The following DGKB variants were observed in gnomAD, a reference collection of about 807,000 sequenced individuals.
DGKB encodes the protein 90 kDa diacylglycerol kinase.
DGKB carries 67 observed loss-of-function variants against 114.3 expected under a neutral mutation model. The observed-to-expected ratio is 0.59, with a 90% CI of 0.48 to 0.72. The LOEUF (loss-of-function observed/expected upper bound fraction) is 0.72, where lower values mean the gene tolerates loss of function less well. Among genes scored for constraint, DGKB ranks in the 30% least tolerant of loss-of-function variants. The pLI, the probability that DGKB is intolerant of heterozygous loss-of-function variation, is 0.00. For missense variants in DGKB, 907 were observed against 975.2 expected, an observed-to-expected ratio of 0.93 and a Z score of 0.93; for synonymous variants, 398 against 323.1, an observed-to-expected ratio of 1.23 and a Z score of -2.49.
At chr7:14,786,563 T>C (rs1839927770) in intron 2 of DGKB, among the ~76,000 whole-genome samples, 1 of 152,186 alleles carries the variant, frequency 6.6e-6, no homozygotes, top group Non-Finnish European at 1.5e-5. Flanking sequence ...TAAGAGTTGG[T>C]GGGCCAGGAG....
At chr7:14,161,717 A>T (rs566845944) in intron 25 of DGKB, among the ~76,000 whole-genome samples, 1 of 152,230 alleles carries the variant, frequency 6.6e-6, no homozygotes, top group East Asian at 1.9e-4. Context: ...CCTAAGGTAG[A>T]TGACGGGTTG....
At position 14,443,697 on chromosome 7, in the gene DGKB, A is replaced by C. The variant is rs544465612; in HGVS notation, c.1835+34464T>G. ...TCTCTCATTCTCTCTTTTTCTCTCC[A>C]CTTTGTAGCTTTACTAAGACAAATT... On this transcript the variant is annotated intron_variant, in intron 21 of 25. Coordinates refer to ENST00000402815, the MANE Select transcript of DGKB (RefSeq NM_001350709.2). Among the ~76,000 whole-genome samples the C allele has an allele frequency of 3.8e-4, 57 of 151,624 alleles. 1 individual carries two copies. In the South Asian group the frequency reaches 0.011, roughly 30 times the overall value.
At chr7:14,151,264 C>A (rs1425304441) in intron 25 of DGKB, among the ~76,000 whole-genome samples, 1 of 151,836 alleles carries the variant, frequency 6.6e-6, no homozygotes, top group Non-Finnish European at 1.5e-5. Flanking sequence ...GAAATTAGAT[C>A]ATTATTTCCA....
At chr7:14,787,760 A>G (rs1157737441) in intron 2 of DGKB, among the ~76,000 whole-genome samples, 1 of 152,186 alleles carries the variant, frequency 6.6e-6, no homozygotes, top group African/African-American at 2.4e-5. Context: ...ACCCCCAGTG[A>G]TTGGCTTTTG....
chr7:14,358,372 G>T (rs944735018), intron 21 of DGKB, among the ~76,000 whole-genome samples: 1 of 152,000 alleles, frequency 6.6e-6, no homozygotes, highest in Non-Finnish European at 1.5e-5. Context: ...TCTTCCACTT[G>T]ATCGAATCGG....
intron 1 of DGKB, among the ~76,000 whole-genome samples, chr7:14,910,271 AAAGAAAGAAAG>A (rs1783925062): frequency 9.3e-6 from 1 of 107,698 alleles, no homozygotes; most frequent in African/African-American, 3.4e-5. Context: ...AGAAAGAAAG[AAAGAAAGAAAG>A]AAAGAAAGAA....
intron 23 of DGKB, among the ~76,000 whole-genome samples, chr7:14,183,867 G>C (rs1318286412): frequency 1.3e-5 from 2 of 152,188 alleles, no homozygotes; most frequent in African/African-American, 4.8e-5. Flanking sequence ...TAGCTCAATA[G>C]ATTGCAAGAA....
At chr7:14,957,771 T>A (rs527710035) in intron 1 of DGKB, among the ~76,000 whole-genome samples, 1 of 152,184 alleles carries the variant, frequency 6.6e-6, no homozygotes, top group South Asian at 2.1e-4. Context: ...TTTTCTTACT[T>A]GCCCCAAAGT....
chr7:14,753,416 A>C (rs977487498), intron 4 of DGKB, among the ~76,000 whole-genome samples: 1 of 152,158 alleles, frequency 6.6e-6, no homozygotes, highest in African/African-American at 2.4e-5. Flanking sequence ...GAGTGGTTGA[A>C]GCAACAGATT....
At chr7:14,232,208 C>T (rs968424588) in intron 23 of DGKB, among the ~76,000 whole-genome samples, 1 of 151,788 alleles carries the variant, frequency 6.6e-6, no homozygotes, top group African/African-American at 2.4e-5. Context: ...TAGACATTCA[C>T]GCTCCCTAGA....
At chr7:14,318,395 A>C (rs1303255075) in intron 23 of DGKB, among the ~76,000 whole-genome samples, 2 of 152,184 alleles carry the variant, frequency 1.3e-5, no homozygotes, top group African/African-American at 4.8e-5. Flanking sequence ...CATCTGACAA[A>C]GGGCTAATAT....
At chr7:14,275,287 A>C (rs1798837107) in intron 23 of DGKB, among the ~76,000 whole-genome samples, 1 of 152,132 alleles carries the variant, frequency 6.6e-6, no homozygotes, top group South Asian at 2.1e-4. Context: ...CCAACTCCTA[A>C]TACAGGCCCT....
At chr7:14,342,323 A>C (rs572087086) in intron 22 of DGKB, among the ~76,000 whole-genome samples, 68 of 151,930 alleles carry the variant, frequency 4.5e-4, no homozygotes, top group Admixed American at 1.7e-3. Context: ...TCTCTCATTA[A>C]CTTTGCCTGG....
intron 4 of DGKB, among the ~76,000 whole-genome samples, chr7:14,743,752 G>C (rs1832886010): frequency 3.3e-5 from 5 of 152,078 alleles, no homozygotes; most frequent in African/African-American, 1.2e-4. Flanking sequence ...GTTATTGTAA[G>C]CCACAGAGAT....
intron 5 of DGKB, among the ~76,000 whole-genome samples, chr7:14,729,344 G>C (rs377293176): frequency 2.8e-4 from 42 of 151,148 alleles, no homozygotes; most frequent in Admixed American, 9.9e-4. Flanking sequence ...GGATGGTCTC[G>C]ATCTCCTGAC....
At chr7:14,251,406 C>T (rs1032203454) in intron 23 of DGKB, among the ~76,000 whole-genome samples, 1 of 152,076 alleles carries the variant, frequency 6.6e-6, no homozygotes, top group Admixed American at 6.5e-5. Flanking sequence ...ACTTCTCCCA[C>T]ATTTTATGTT....
chr7:14,308,099 T>A (rs1804779523), intron 23 of DGKB, among the ~76,000 whole-genome samples: 1 of 152,130 alleles, frequency 6.6e-6, no homozygotes, highest in African/African-American at 2.4e-5. Context: ...ATAATTGCTT[T>A]TCTTTTTATG....
intron 2 of DGKB, among the ~76,000 whole-genome samples, chr7:14,791,583 TC>T (rs1840673256): frequency 6.6e-6 from 1 of 152,174 alleles, no homozygotes; most frequent in South Asian, 2.1e-4. Context: ...TTGAGGAAAT[TC>T]CCTTCTTTTT....
chr7:14,906,403 G>A (rs1269327795), upstream of DGKB, among the ~76,000 whole-genome samples: 1 of 147,482 alleles, frequency 6.8e-6, no homozygotes, highest in Non-Finnish European at 1.5e-5. Context: ...AGTATCAGAA[G>A]TTATTGACAT....
Sources: gnomAD v4.1 joint callset for allele counts (sites outside exome capture counted in the v4.1 genomes callset) on GRCh38, gnomAD v4.1.1 for gene constraint, MANE v1.5 for transcripts, NCBI Gene and HGNC (gene_info 2026-07-23, HGNC 2026-07-21) for gene names.